The following MRE11 variants were observed in gnomAD, a reference collection of about 807,000 sequenced individuals.
MRE11 encodes double-strand break repair protein MRE11.
Under a neutral mutation model 91.7 loss-of-function variants are expected in MRE11, and 62 were observed. That is an observed-to-expected ratio of 0.68 (90% confidence interval 0.55 to 0.84). The LOEUF (loss-of-function observed/expected upper bound fraction) is 0.84. Among genes scored for constraint, MRE11 ranks in the 40% least tolerant of loss-of-function variants. The probability of loss-of-function intolerance (pLI) is 0.00; values close to 1 mark genes in which losing one functional copy is unlikely to be tolerated. For synonymous variants in MRE11, 273 were observed against 271.4 expected, an observed-to-expected ratio of 1.01 and a Z score of -0.06; for missense variants, 796 against 852.9, an observed-to-expected ratio of 0.93 and a Z score of 0.83.
intron 3 of MRE11, 126 bp downstream of exon 3, chr11:94,490,707 T>C: frequency 9.4e-7 from 1 of 1,068,448 alleles, no homozygotes. Context: ...GCTTTCAGTA[T>C]ATTGATATTC....
chr11:94,506,747 C>T, the MRE11 span, among the ~76,000 whole-genome samples: 3 of 151,710 alleles, frequency 2.0e-5, no homozygotes, highest in African/African-American at 4.8e-5. Context: ...GCCACCACGC[C>T]GAGCTAATTT....
At chr11:94,470,692 G>C in intron 8 of MRE11, 50 bp from the exon 9 acceptor site, 2 of 1,585,318 alleles carry the variant, frequency 1.3e-6, no homozygotes, top group East Asian at 2.2e-5. Context: ...TTTCCTCAGG[G>C]TGATGTGCAA....
chr11:94,447,645 A>G (rs539426282), intron 14 of MRE11, among the ~76,000 whole-genome samples: 1 of 146,626 alleles, frequency 6.8e-6, no homozygotes, highest in African/African-American at 2.5e-5. Flanking sequence ...CCTGGGCAAC[A>G]CAGCGAAACC....
chr11:94,506,151 A>AT, the MRE11 span, among the ~76,000 whole-genome samples: 2 of 151,220 alleles, frequency 1.3e-5, no homozygotes, highest in South Asian at 2.1e-4. Flanking sequence ...ACCATCCTGG[A>AT]TTTTTTTTCA....
rs753958669 is a variant in MRE11 at position 94,470,626 on chromosome 11, G to A, written c.862C>T (p.Arg288Cys). Residue 288 changes from arginine to cysteine, a missense_variant, in exon 9 of 20, where the codon CGT becomes TGT. Physicochemically the swap from Arg to Cys is radical, Grantham distance 180. Transcript: ENST00000323929. ...ATATTCATCTTCCTCCCTTTAATAC[G>A]CAGCAAACCAACATGTCTGAAGTGG... ...EAVKKHVGLL[R>C]IKGRKMNMHK... is the part of the protein sequence containing the mutation. 9.9e-6 allele frequency: 16 copies of A among 1,612,708 alleles called. No homozygotes were observed. Among genetic ancestry groups the A allele is most frequent in the African/African-American group, 2.7e-5 (2 of 74,790 alleles).
Position 94,417,660 on chromosome 11 carries a change from T to C in MRE11, c.*2465A>G, listed in dbSNP as rs915834729. ...AAAGGAGAAAACAATATAATGGGCATCCAGGACACTGCGCTATTTCTTGAC... is the reference window on the plus strand; with the variant it reads ...AAAGGAGAAAACAATATAATGGGCACCCAGGACACTGCGCTATTTCTTGAC... On this transcript the variant is annotated 3_prime_UTR_variant, in exon 20 of 20. Coordinates refer to ENST00000323929, the MANE Select transcript of MRE11 (RefSeq NM_005591.4). 3 of 232,984 alleles carry C rather than the reference T, an allele frequency of 1.3e-5. No individual in the cohort carries two copies. Among genetic ancestry groups the C allele is most frequent in the Non-Finnish European group, 1.7e-5 (2 of 117,956 alleles). 14.4% of individuals were successfully genotyped at this position (232,984 alleles called of 1,614,324 possible).
At chr11:94,476,248 C>T (rs768867258) in intron 7 of MRE11, 41 bp downstream of exon 7, 2 of 1,293,072 alleles carry the variant, frequency 1.5e-6, no homozygotes, top group African/African-American at 1.5e-5. Flanking sequence ...ATTTGGGAAG[C>T]CTCAGCACTT....
At chr11:94,461,295 GTCC>G (rs373259723) in intron 11 of MRE11, among the ~76,000 whole-genome samples, 23 of 152,238 alleles carry the variant, frequency 1.5e-4, no homozygotes, top group Non-Finnish European at 3.1e-4. Flanking sequence ...ACTTCTGGAG[GTCC>G]TCAAGACCCA....
At chr11:94,483,701 A>T (rs1191425126) in intron 4 of MRE11, 2 of 153,116 alleles carry the variant, frequency 1.3e-5, no homozygotes, top group African/African-American at 4.8e-5. Context: ...AAAACGGACT[A>T]ATACAGTGGC....
the MRE11 span, among the ~76,000 whole-genome samples, chr11:94,506,985 ATAT>A: frequency 6.6e-6 from 1 of 152,152 alleles, no homozygotes; most frequent in Non-Finnish European, 1.5e-5. Context: ...TCTAAATAAA[ATAT>A]TCTTAATTTT....
chr11:94,461,813 C>T (rs188830284), intron 11 of MRE11, among the ~76,000 whole-genome samples: 184 of 152,304 alleles, frequency 1.2e-3, no homozygotes, highest in African/African-American at 4.0e-3. Context: ...CGGTGGCTCA[C>T]GCCTGTAATC....
chr11:94,498,718 TTTAA>T (rs1286149906), upstream of MRE11: 6 of 598,202 alleles, frequency 1.0e-5, no homozygotes, highest in African/African-American at 3.7e-5. Context: ...TGCATATATC[TTTAA>T]TTATTTCTGT....
chr11:94,420,758 C>T (rs1468641049), intron 19 of MRE11, among the ~76,000 whole-genome samples: 14 of 151,834 alleles, frequency 9.2e-5, no homozygotes, highest in Non-Finnish European at 5.9e-5. Flanking sequence ...GCTGGCCGGG[C>T]GCGGTGGCTC....
chr11:94,474,472 G>A (rs77433006), intron 7 of MRE11, among the ~76,000 whole-genome samples: 1 of 151,262 alleles, frequency 6.6e-6, no homozygotes, highest in Non-Finnish European at 1.5e-5. Context: ...GAGAAGAAGG[G>A]ACAAATTTTC....
At chr11:94,463,152 T>G (rs1946465815) in intron 11 of MRE11, among the ~76,000 whole-genome samples, 1 of 152,162 alleles carries the variant, frequency 6.6e-6, no homozygotes. Context: ...AAAGAAGACA[T>G]TTATGCAGCC....
At chr11:94,439,459 C>T (rs1490196405) in intron 16 of MRE11, among the ~76,000 whole-genome samples, 4 of 152,160 alleles carry the variant, frequency 2.6e-5, no homozygotes, top group Admixed American at 2.0e-4. Flanking sequence ...ACATAATATT[C>T]ATCTTCATAA....
intron 19 of MRE11, among the ~76,000 whole-genome samples, chr11:94,427,460 C>T (rs1007632765): frequency 6.6e-6 from 1 of 152,094 alleles, no homozygotes; most frequent in Non-Finnish European, 1.5e-5. Flanking sequence ...AAAGCTAGAA[C>T]CATTCTCCCT....
At chr11:94,455,263 A>G (rs977693578) in intron 14 of MRE11, among the ~76,000 whole-genome samples, 1 of 152,170 alleles carries the variant, frequency 6.6e-6, no homozygotes, top group Admixed American at 6.5e-5. Context: ...CTCATTTATA[A>G]AATGGGCACC....
At chr11:94,469,043 T>C (rs1946641633) in intron 9 of MRE11, among the ~76,000 whole-genome samples, 1 of 152,096 alleles carries the variant, frequency 6.6e-6, no homozygotes, top group Non-Finnish European at 1.5e-5. Context: ...AAAAATAATA[T>C]AACTTAACTA....
Sources: gnomAD v4.1 joint callset for allele counts (sites outside exome capture counted in the v4.1 genomes callset) on GRCh38, gnomAD v4.1.1 for gene constraint, MANE v1.5 for transcripts, NCBI Gene and HGNC (gene_info 2026-07-23, HGNC 2026-07-21) for gene names.